Variants in PRKCE observed in about 807,000 individuals in gnomAD.
PRKCE encodes the protein protein kinase C epsilon.
Under a neutral mutation model 85.4 loss-of-function variants are expected in PRKCE, and 16 were observed. The ratio of observed to expected loss-of-function variants is 0.19; its 90% confidence interval spans 0.13 to 0.28. The LOEUF (loss-of-function observed/expected upper bound fraction) is 0.28, where lower values mean the gene tolerates loss of function less well. PRKCE is among the 10% of genes least tolerant of loss of function. PRKCE has a pLI of 1.00. For missense variants in PRKCE, 573 were observed against 975.2 expected, an observed-to-expected ratio of 0.59 and a Z score of 5.49; for synonymous variants, 388 against 371.5, an observed-to-expected ratio of 1.04 and a Z score of -0.51.
intron 1 of PRKCE, among the ~76,000 whole-genome samples, chr2:45,789,976 C>A (rs1018639633): frequency 6.6e-6 from 1 of 152,096 alleles, no homozygotes; most frequent in Non-Finnish European, 1.5e-5. Context: ...TTTGATCAAA[C>A]GCCTGGGACA....
chr2:45,731,951 T>G (rs1681616142), intron 1 of PRKCE, among the ~76,000 whole-genome samples: 1 of 152,146 alleles, frequency 6.6e-6, no homozygotes, highest in Non-Finnish European at 1.5e-5. Flanking sequence ...TGATTCAAAT[T>G]AGGCTTTCAG....
intron 1 of PRKCE, among the ~76,000 whole-genome samples, chr2:45,840,851 G>C (rs1691288833): frequency 6.6e-6 from 1 of 152,158 alleles, no homozygotes; most frequent in Admixed American, 6.5e-5. Context: ...TGTCTCATGG[G>C]GACATGTGGT....
At chr2:46,101,962 GT>G in intron 11 of PRKCE, among the ~76,000 whole-genome samples, 1 of 151,426 alleles carries the variant, frequency 6.6e-6, no homozygotes, top group South Asian at 2.1e-4. Flanking sequence ...GGCTATCCAT[GT>G]TGAACAACCA....
intron 6 of PRKCE, among the ~76,000 whole-genome samples, chr2:45,985,643 G>GAA (rs1305542329): frequency 4.6e-5 from 7 of 152,150 alleles, no homozygotes; most frequent in Admixed American, 4.6e-4. Flanking sequence ...TTGGAAATAA[G>GAA]ATCAGGGCTG....
intron 11 of PRKCE, among the ~76,000 whole-genome samples, chr2:46,119,349 T>C (rs950737183): frequency 6.6e-6 from 1 of 152,174 alleles, no homozygotes; most frequent in Non-Finnish European, 1.5e-5. Context: ...ACTTGGGCTA[T>C]TAGTTCTTTT....
chr2:45,977,234 G>T (rs948606076), intron 3 of PRKCE, among the ~76,000 whole-genome samples: 1 of 152,094 alleles, frequency 6.6e-6, no homozygotes, highest in Non-Finnish European at 1.5e-5. Flanking sequence ...ATCTTTTACA[G>T]ACACACCTCA....
Position 46,184,968 on chromosome 2 carries a change from C to A in PRKCE, c.*87C>A, listed in dbSNP as rs1302264405. ...TTGGAGACACTCAGCAGGTCTTGAA[C>A]TACTTCTCCTCCTCGGAGCCCCAGT... On this transcript the variant is annotated 3_prime_UTR_variant, in exon 15 of 15. Coordinates refer to ENST00000306156, the MANE Select transcript of PRKCE (RefSeq NM_005400.3). This position sits in a 1 kb window ranked among gnomAD's most constrained non-coding sequence, Gnocchi z 5.0. The A allele has an allele frequency of 2.0e-6, 3 of 1,518,930 alleles. No individual in the cohort carries two copies. The highest frequency in any genetic ancestry group is 4.5e-5 in the East Asian group (2 of 44,328). 94.1% of individuals were successfully genotyped at this position (1,518,930 alleles called of 1,614,324 possible).
At chr2:45,754,324 A>T (rs931761828) in intron 1 of PRKCE, among the ~76,000 whole-genome samples, 1 of 152,192 alleles carries the variant, frequency 6.6e-6, no homozygotes, top group Non-Finnish European at 1.5e-5. Flanking sequence ...AGTTGCTTTC[A>T]TGTGTGAATA....
At chr2:45,881,016 A>G (rs1388345699) in intron 2 of PRKCE, among the ~76,000 whole-genome samples, 1 of 151,228 alleles carries the variant, frequency 6.6e-6, no homozygotes, top group Non-Finnish European at 1.5e-5. Flanking sequence ...AGCTGGGCGT[A>G]GTGGCGGGCG....
chr2:45,778,977 GT>G (rs1355320175), intron 1 of PRKCE, among the ~76,000 whole-genome samples: 7 of 152,224 alleles, frequency 4.6e-5, no homozygotes, highest in African/African-American at 1.7e-4. Flanking sequence ...CAGAGAAGCT[GT>G]TTTGTGTACG....
At chr2:45,977,628 G>C (rs970140560) in intron 3 of PRKCE, among the ~76,000 whole-genome samples, 1 of 145,638 alleles carries the variant, frequency 6.9e-6, no homozygotes, top group Non-Finnish European at 1.5e-5. Context: ...GACAGAGTGA[G>C]ACTCTGTCTT....
chr2:46,112,139 T>C (rs1672315842), intron 11 of PRKCE, among the ~76,000 whole-genome samples: 1 of 152,244 alleles, frequency 6.6e-6, no homozygotes, highest in Admixed American at 6.5e-5. Context: ...TATCATTATG[T>C]AATGCCCTCT....
chr2:45,869,746 C>T (rs1372256283), intron 2 of PRKCE, among the ~76,000 whole-genome samples: 13 of 125,006 alleles, frequency 1.0e-4, no homozygotes, highest in Non-Finnish European at 1.1e-4. Flanking sequence ...CTCACTCTGT[C>T]ACCCAGGCTG....
intron 1 of PRKCE, among the ~76,000 whole-genome samples, chr2:45,654,099 G>A (rs111377462): frequency 1.3e-4 from 20 of 152,342 alleles, no homozygotes; most frequent in African/African-American, 4.3e-4. Flanking sequence ...AAAACTTGAC[G>A]CTGGTAGCTA....
chr2:46,149,729 TTA>T (rs1348834009), intron 12 of PRKCE, among the ~76,000 whole-genome samples: 12 of 145,732 alleles, frequency 8.2e-5, no homozygotes, highest in South Asian at 2.1e-4. Context: ...ATATATGTAT[TTA>T]TATATATGTA....
In PRKCE at chr2:46,000,400, G is replaced by A. The variant is rs576160820; in HGVS notation, c.824-1004G>A. Among the ~76,000 whole-genome samples, 110 of 151,832 alleles carry A rather than the reference G, an allele frequency of 7.2e-4. 1 individual carries two copies. Among genetic ancestry groups the A allele is most frequent in the African/African-American group, 2.5e-3 (104 of 41,436 alleles). Reference sequence around the variant, plus strand: ...GACAGGATGGCTAGAGTGGGCTGGAGTTGGGGATTTCCTTGTCCCCAGATC... The same window carrying A: ...GACAGGATGGCTAGAGTGGGCTGGAATTGGGGATTTCCTTGTCCCCAGATC... On this transcript the variant is annotated intron_variant, in intron 6 of 14. Transcript: ENST00000306156.
At chr2:45,829,194 T>C (rs1690200726) in intron 1 of PRKCE, among the ~76,000 whole-genome samples, 1 of 152,234 alleles carries the variant, frequency 6.6e-6, no homozygotes, top group East Asian at 1.9e-4. Flanking sequence ...TTGAGATAAA[T>C]TCCCAGAAGT....
rs1447473193 is a variant in PRKCE at position 45,661,511 on chromosome 2, G to GTTTTGTT, written c.348+9082_348+9088dup. ...CTTCAAGAAGAGTTTTTTTTGTTTT[G>GTTTTGTT]TTTTGTTTTTTGTTTTTTGTTTTTT... On this transcript the variant is annotated intron_variant, in intron 1 of 14. Coordinates refer to ENST00000306156, the MANE Select transcript of PRKCE (RefSeq NM_005400.3). Among the ~76,000 whole-genome samples the GTTTTGTT allele has an allele frequency of 4.8e-5, 6 of 126,270 alleles. No individual in the cohort carries two copies. The East Asian group carries it at 9.5e-4, about 20-fold the overall frequency. The allele number at this position is 126,270 out of a possible 152,430, so 82.8% of individuals were successfully genotyped here. A position where few individuals can be genotyped will look rare whatever the true frequency, so the allele number is the denominator to read the frequency against.
chr2:45,991,037 C>T (rs1224549910), intron 6 of PRKCE, among the ~76,000 whole-genome samples: 1 of 150,228 alleles, frequency 6.7e-6, no homozygotes, highest in Non-Finnish European at 1.5e-5. Context: ...GACAGAGTCT[C>T]ACTTTGTCAC....
Sources: allele counts gnomAD v4.1 joint callset (sites outside exome capture counted in the v4.1 genomes callset), GRCh38; gene constraint gnomAD v4.1.1; non-coding constraint Gnocchi (gnomAD v3.1); transcripts MANE v1.5; gene names NCBI Gene and HGNC (gene_info 2026-07-23, HGNC 2026-07-21).